Variants in ACTN4 observed in about 807,000 individuals in gnomAD.
ACTN4 encodes alpha-actinin-4.
ACTN4 carries 18 observed loss-of-function variants against 114.2 expected under a neutral mutation model. The ratio of observed to expected loss-of-function variants is 0.16; its 90% CI spans 0.11 to 0.23. ACTN4 has a LOEUF of 0.23. Among genes scored for constraint, ACTN4 ranks in the 10% least tolerant of loss-of-function variants. ACTN4 has a pLI of 1.00. For synonymous variants in ACTN4, 515 were observed against 506.3 expected, an observed-to-expected ratio of 1.02 and a Z score of -0.23; for missense variants, 722 against 1,262.9, an observed-to-expected ratio of 0.57 and a Z score of 6.49.
At position 38,723,108 on chromosome 19, in the gene ACTN4, G is replaced by A. The variant is rs555783107; in HGVS notation, c.1443-506G>A. Reference sequence around the variant, plus strand: ...ACTGAGGGAACCGAGGCACAGAGAGGCCAAGAGGTTTGCCCAGGGTCACAC... The same window carrying A: ...ACTGAGGGAACCGAGGCACAGAGAGACCAAGAGGTTTGCCCAGGGTCACAC... On this transcript the variant is annotated intron_variant, in intron 12 of 20. Transcript: ENST00000252699. Among the ~76,000 whole-genome samples, 9 of 152,338 alleles carry A rather than the reference G, an allele frequency of 5.9e-5. No homozygotes were observed. The South Asian group carries it at 8.3e-4, about 14-fold the overall frequency.
rs1036855812 is a variant in ACTN4 at position 38,730,167 on chromosome 19, A to AAAAAG, written c.*739_*743dup. The AAAAAG allele has an allele frequency of 1.3e-5, 2 of 155,876 alleles. No homozygotes were observed. Among genetic ancestry groups the AAAAAG allele is most frequent in the East Asian group, 1.9e-4 (1 of 5,208 alleles). The allele number at this position is 155,876 out of a possible 1,614,324, so 9.7% of individuals were successfully genotyped here. On this transcript the variant is annotated 3_prime_UTR_variant, in exon 21 of 21. Transcript: ENST00000252699. ...AAATCACAAAAACAAAAAAACTATA[A>AAAAAG]AAAAGAAAGAATTAAAAACTTTCAG...
chr19:38,723,663 A>G lies in ACTN4; in HGVS notation c.1492A>G (p.Ile498Val). Residue 498 changes from isoleucine (I) to valine (V), a missense_variant, in exon 13 of 21, where the codon ATC (isoleucine) becomes GTC (valine). By Grantham distance (29) the Ile-to-Val change is conservative. Coordinates refer to ENST00000252699, the MANE Select transcript of ACTN4 (RefSeq NM_004924.6). ...CAATGTCAACACCCGGTGCCAGAAG[A>G]TCTGTGACCAGTGGGACGCCCTCGG... Reference protein sequence around the residue: ...SHNVNTRCQKICDQWDALGSL... With the variant: ...SHNVNTRCQKVCDQWDALGSL... 1 of 1,613,582 alleles carries G rather than the reference A, an allele frequency of 6.2e-7. No homozygotes were observed. The highest frequency in any genetic ancestry group is 8.5e-7 in the Non-Finnish European group (1 of 1,179,858).
intron 1 of ACTN4, among the ~76,000 whole-genome samples, chr19:38,660,339 T>A (rs190003344): frequency 6.6e-5 from 10 of 152,292 alleles, no homozygotes; most frequent in Admixed American, 6.5e-4. Flanking sequence ...ACAGCTAGCA[T>A]TTTACCTTGT....
At chr19:38,674,077 G>C (rs996043771) in intron 1 of ACTN4, among the ~76,000 whole-genome samples, 2 of 152,058 alleles carry the variant, frequency 1.3e-5, no homozygotes, top group African/African-American at 4.8e-5. Context: ...ACTGCGCCCG[G>C]TGTGATTATT....
chr19:38,715,484 A>C (rs1349668598), intron 9 of ACTN4, among the ~76,000 whole-genome samples: 3 of 152,214 alleles, frequency 2.0e-5, no homozygotes, highest in Non-Finnish European at 2.9e-5. Context: ...CGACAGAGCA[A>C]GACTCCATTA....
intron 1 of ACTN4, among the ~76,000 whole-genome samples, chr19:38,689,334 G>C (rs777312636): frequency 1.3e-5 from 2 of 152,104 alleles, no homozygotes; most frequent in African/African-American, 2.4e-5. Flanking sequence ...TATACCATAT[G>C]GTTCCACTTA....
Position 38,662,009 on chromosome 19 carries a change from C to G in ACTN4, c.162+14102C>G, listed in dbSNP as rs554923860. On this transcript the variant is annotated intron_variant, in intron 1 of 20. Coordinates refer to ENST00000252699, the MANE Select transcript of ACTN4 (RefSeq NM_004924.6). ...TAGGTCCTTTCCTTCTCTATAAATC[C>G]CTCTTTCACTTAGTATTTCCTCCTT... Among the ~76,000 whole-genome samples the G allele has an allele frequency of 3.3e-5, 5 of 152,308 alleles. 1 individual carries two copies. The highest frequency in any genetic ancestry group is 1.2e-4 in the African/African-American group (5 of 41,560).
At position 38,723,500 on chromosome 19, in the gene ACTN4, C is replaced by T. The variant is rs1374120783; in HGVS notation, c.1443-114C>T. The T allele has an allele frequency of 7.7e-6, 6 of 775,346 alleles. No homozygotes were observed. The African/African-American group carries it at 1.0e-4, about 13-fold the overall frequency. The allele number at this position is 775,346 out of a possible 1,614,324, so 48.0% of individuals were successfully genotyped here. A position where few individuals can be genotyped will look rare whatever the true frequency, so the allele number is the denominator to read the frequency against. The stretch of plus-strand genomic sequence containing the variant: ...CCAATTAGTGATTGGTTGCTGATAT[C>T]CTGGAATGTTGACTGCCCCAACACC... On this transcript the variant is annotated intron_variant, in intron 12 of 20. Transcript: ENST00000252699.
In ACTN4 at chr19:38,730,606, C is replaced by CACT; in HGVS notation, c.*1175_*1177dup. ...TCTAGGAGAGCCAGGGCAGAGCTAGCACTGTCTTAAGCTGTCAACGTGGAC... is the reference window on the plus strand; with the variant it reads ...TCTAGGAGAGCCAGGGCAGAGCTAGCACTACTGTCTTAAGCTGTCAACGTGGAC... On this transcript the variant is annotated 3_prime_UTR_variant, in exon 21 of 21. Transcript: ENST00000252699. 3 of 591,622 alleles carry CACT rather than the reference C, an allele frequency of 5.1e-6. No individual in the cohort carries two copies. In the South Asian group the frequency reaches 6.0e-5, roughly 12 times the overall value. The allele number at this position is 591,622 out of a possible 1,614,324, so 36.6% of individuals were successfully genotyped here. A position where few individuals can be genotyped will look rare whatever the true frequency, so the allele number is the denominator to read the frequency against.
intron 3 of ACTN4, among the ~76,000 whole-genome samples, chr19:38,701,435 G>C (rs1432356328): frequency 6.6e-6 from 1 of 152,216 alleles, no homozygotes; most frequent in African/African-American, 2.4e-5. Context: ...GCCCTCACTG[G>C]TTCTCCTTGT....
chr19:38,690,615 G>A (rs531005626), intron 1 of ACTN4, among the ~76,000 whole-genome samples: 1 of 152,248 alleles, frequency 6.6e-6, no homozygotes, highest in Admixed American at 6.5e-5. Context: ...TACCAACTTG[G>A]GAGCTCTAAG....
rs1033379124 is a variant in ACTN4 at position 38,710,185 on chromosome 19, G to C, written c.734-72G>C. ...CCCAAGGCCGTGGCCTTGGGAGCCCGTGGATCCCAGTGAGTGACGCCTCCA... is the reference window on the plus strand; with the variant it reads ...CCCAAGGCCGTGGCCTTGGGAGCCCCTGGATCCCAGTGAGTGACGCCTCCA... On this transcript the variant is annotated intron_variant, in intron 7 of 20. Coordinates refer to ENST00000252699, the MANE Select transcript of ACTN4 (RefSeq NM_004924.6). 80 of 1,539,342 alleles carry C rather than the reference G, an allele frequency of 5.2e-5. 1 individual carries two copies. The East Asian group carries it at 1.8e-3, about 34-fold the overall frequency.
chr19:38,672,539 C>A (rs1181910079), intron 1 of ACTN4, among the ~76,000 whole-genome samples: 1 of 151,772 alleles, frequency 6.6e-6, no homozygotes, highest in South Asian at 2.1e-4. Context: ...CCACACCCTG[C>A]CAAGGTTCTA....
In ACTN4 at chr19:38,686,850, G is replaced by A. The variant is rs1185756179; in HGVS notation, c.163-13750G>A. On this transcript the variant is annotated intron_variant, in intron 1 of 20. Coordinates refer to ENST00000252699, the MANE Select transcript of ACTN4 (RefSeq NM_004924.6). The stretch of plus-strand genomic sequence containing the variant: ...GGCTCCGGAAGTCTGTTTGAGAACA[G>A]AGGCAGGCTCAGATGGGAGCAGCTC... Among the ~76,000 whole-genome samples the A allele has an allele frequency of 2.6e-5, 4 of 152,198 alleles. No homozygotes were observed. In the East Asian group the frequency reaches 5.8e-4, roughly 22 times the overall value.
intron 8 of ACTN4, chr19:38,711,256 TTCTC>T (rs749086300): frequency 1.6e-5 from 16 of 974,124 alleles, no homozygotes; most frequent in Middle Eastern, 4.4e-4. Context: ...CTCTCTCTCT[TTCTC>T]TCTCTCTCTG....
At position 38,730,960 on chromosome 19, in the gene ACTN4, C is replaced by G. The variant is rs1969541920; in HGVS notation, c.*1528C>G. The G allele has an allele frequency of 6.4e-7, 1 of 1,550,640 alleles. No individual in the cohort carries two copies. The highest frequency in any genetic ancestry group is 2.0e-5 in the Admixed American group (1 of 51,030). ...GAGCCACCCTGTCCCTCCCACCTGG[C>G]TCACCTGTCTGTGGGTCAGGCAGAT... On this transcript the variant is annotated 3_prime_UTR_variant, in exon 21 of 21. Transcript: ENST00000252699.
At position 38,729,165 on chromosome 19, in the gene ACTN4, C is replaced by T. The variant is rs753271069; in HGVS notation, c.2577+11C>T. On this transcript the variant is annotated intron_variant, in intron 20 of 20. Transcript: ENST00000252699. ...TTAGCAGGGGACAAGGTGAGCGAGA[C>T]CCCTACGAGGTGCATGGGGGCTGGC... 1 of 1,612,876 alleles carries T rather than the reference C, an allele frequency of 6.2e-7. No homozygotes were observed. Among genetic ancestry groups the T allele is most frequent in the South Asian group, 1.1e-5 (1 of 91,070 alleles).
chr19:38,706,193 C>T, intron 5 of ACTN4, 62 bp downstream of exon 5: 3 of 1,534,996 alleles, frequency 2.0e-6, no homozygotes, highest in Non-Finnish European at 2.7e-6. Flanking sequence ...TTCCTCCCAC[C>T]TGCCCTGTTT....
chr19:38,691,761 G>A (rs1442123866), intron 1 of ACTN4, among the ~76,000 whole-genome samples: 1 of 151,660 alleles, frequency 6.6e-6, no homozygotes, highest in Non-Finnish European at 1.5e-5. Flanking sequence ...AAATTAGCCG[G>A]GTGTGATGGT....
Sources: allele counts gnomAD v4.1 joint callset (sites outside exome capture counted in the v4.1 genomes callset), GRCh38; gene constraint gnomAD v4.1.1; transcripts MANE v1.5; gene names NCBI Gene and HGNC (gene_info 2026-07-23, HGNC 2026-07-21).